The following GDI2 variants were observed in gnomAD, a reference collection of about 807,000 sequenced individuals.
GDI2 encodes rab GDP dissociation inhibitor beta.
GDI2 carries 22 observed loss-of-function variants against 54.2 expected under a neutral mutation model. That is an observed-to-expected ratio of 0.41 (90% CI 0.29 to 0.58). GDI2 has a LOEUF of 0.58. Ranked by LOEUF, GDI2 falls within the 20% of genes least tolerant of loss-of-function variation. The probability of loss-of-function intolerance (pLI) is 0.35; values close to 1 mark genes in which losing one functional copy is unlikely to be tolerated. For synonymous variants in GDI2, 177 were observed against 182.1 expected, an observed-to-expected ratio of 0.97 and a Z score of 0.23; for missense variants, 422 against 546.0, an observed-to-expected ratio of 0.77 and a Z score of 2.26.
At chr10:5,811,500 ACCT>A (rs1024963839) in intron 1 of GDI2, among the ~76,000 whole-genome samples, 5 of 152,172 alleles carry the variant, frequency 3.3e-5, no homozygotes, top group African/African-American at 1.2e-4. Context: ...TGCTTAACTG[ACCT>A]CAATTGTGAG....
chr10:5,799,614 T>C (rs1265355487), intron 2 of GDI2, among the ~76,000 whole-genome samples: 2 of 152,230 alleles, frequency 1.3e-5, no homozygotes, highest in Non-Finnish European at 2.9e-5. Flanking sequence ...ACTGTGCCAC[T>C]GCACTCCAGC....
At chr10:5,787,164 A>G (rs1266316384) in intron 4 of GDI2, among the ~76,000 whole-genome samples, 4 of 152,234 alleles carry the variant, frequency 2.6e-5, no homozygotes, top group Non-Finnish European at 5.9e-5. Flanking sequence ...GATAGATTTA[A>G]TATTACATCC....
At chr10:5,797,002 T>C (rs1841160952) in intron 2 of GDI2, 140 bp from the exon 3 acceptor site, 3 of 509,594 alleles carry the variant, frequency 5.9e-6, no homozygotes, top group Non-Finnish European at 1.0e-5. Flanking sequence ...TCATCTTTTA[T>C]CAGATAAAAT....
chr10:5,776,516 A>G lies in GDI2; in HGVS notation c.720-2575T>C. On this transcript the variant is annotated intron_variant, in intron 6 of 10. Transcript: ENST00000380191. The surrounding 1 kb of genome is among the most constrained non-coding windows in gnomAD (Gnocchi z 5.3). ...GAAGCAAAGGCCCGAAAGATAAAAC[A>G]ATTATAGAGAAGCAGATTTGAAGAG... The G allele has an allele frequency of 1.4e-6, 2 of 1,426,336 alleles. No individual in the cohort carries two copies. The highest frequency in any genetic ancestry group is 1.7e-5 in the Admixed American group (1 of 59,210). The allele number at this position is 1,426,336 out of a possible 1,614,324, so 88.4% of individuals were successfully genotyped here. A position where few individuals can be genotyped will look rare whatever the true frequency, so the allele number is the denominator to read the frequency against.
intron 5 of GDI2, 115 bp from the exon 6 acceptor site, chr10:5,785,388 T>A: frequency 3.8e-6 from 3 of 799,656 alleles, no homozygotes; most frequent in Non-Finnish European, 6.1e-6. Context: ...GTTTTTTTGT[T>A]TTTTGAGACA....
chr10:5,783,156 T>C (rs1840799489), intron 6 of GDI2, among the ~76,000 whole-genome samples: 1 of 152,304 alleles, frequency 6.6e-6, no homozygotes, highest in East Asian at 1.9e-4. Flanking sequence ...AAATGTTCTA[T>C]ACCTTCACTC....
At chr10:5,786,149 C>T (rs969103332) in intron 4 of GDI2, 99 bp from the exon 5 acceptor site, 10 of 605,736 alleles carry the variant, frequency 1.7e-5, no homozygotes, top group Middle Eastern at 4.1e-4. Flanking sequence ...TTATCAACTG[C>T]GGAATGCAGG....
At chr10:5,794,232 T>TATATATATATAA (rs1390834892) in intron 4 of GDI2, among the ~76,000 whole-genome samples, 3 of 97,406 alleles carry the variant, frequency 3.1e-5, no homozygotes, top group African/African-American at 8.0e-5. Flanking sequence ...TATATATATA[T>TATATATATATAA]AAAACTCACC....
At chr10:5,789,395 C>A (rs7076354) in intron 4 of GDI2, among the ~76,000 whole-genome samples, 1 of 151,966 alleles carries the variant, frequency 6.6e-6, no homozygotes, top group Non-Finnish European at 1.5e-5. Flanking sequence ...CCACAGTAGC[C>A]GGCCAAATGA....
chr10:5,786,720 T>C (rs1014993905), intron 4 of GDI2, among the ~76,000 whole-genome samples: 1 of 152,184 alleles, frequency 6.6e-6, no homozygotes. Context: ...ACAACTCTGA[T>C]CTACACTCAG....
intron 6 of GDI2, among the ~76,000 whole-genome samples, chr10:5,778,250 G>C (rs941820459): frequency 6.6e-6 from 1 of 152,086 alleles, no homozygotes; most frequent in African/African-American, 2.4e-5. Flanking sequence ...TGCACGTTCT[G>C]CACATGTACC....
At chr10:5,771,866 C>T (rs1232304494) in intron 7 of GDI2, among the ~76,000 whole-genome samples, 7 of 152,230 alleles carry the variant, frequency 4.6e-5, no homozygotes, top group Non-Finnish European at 2.9e-5. Context: ...CCGAGGCAGG[C>T]AGATCACGAG....
At chr10:5,783,285 G>A (rs1218385406) in intron 6 of GDI2, among the ~76,000 whole-genome samples, 1 of 150,018 alleles carries the variant, frequency 6.7e-6, no homozygotes, top group East Asian at 1.9e-4. Flanking sequence ...CTCGCTTCTG[G>A]TGTCCATTTA....
chr10:5,796,789 A>G lies in GDI2; in HGVS notation c.227T>C (p.Leu76Ser). ...ATTAGCCATAAGGAACTTGGGAATC[A>G]AGTCAACATTCCAGTCTCTTCCTCT... ...MGRGRDWNVD[L>S]IPKFLMANGQ... The change falls in exon 3 of 11, where the codon TTG (leucine) becomes TCG (serine). Residue 76 changes from leucine to serine, a missense_variant. Physicochemically the swap from Leu to Ser is moderately radical, Grantham distance 145. Coordinates refer to ENST00000380191, the MANE Select transcript of GDI2 (RefSeq NM_001494.4). 6.4e-7 allele frequency: 1 copy of G among 1,562,722 alleles called. No individual in the cohort carries two copies. Among genetic ancestry groups the G allele is most frequent in the Non-Finnish European group, 8.8e-7 (1 of 1,133,978 alleles).
At chr10:5,789,057 A>G (rs1213168105) in intron 4 of GDI2, among the ~76,000 whole-genome samples, 1 of 151,324 alleles carries the variant, frequency 6.6e-6, no homozygotes, top group Non-Finnish European at 1.5e-5. Context: ...ATGAGCCACT[A>G]TGCCCAGCCA....
intron 6 of GDI2, among the ~76,000 whole-genome samples, chr10:5,778,938 C>G (rs1840688405): frequency 6.6e-6 from 1 of 152,190 alleles, no homozygotes; most frequent in South Asian, 2.1e-4. Flanking sequence ...TCTCAACAAA[C>G]TATCAATTCA....
intron 2 of GDI2, among the ~76,000 whole-genome samples, chr10:5,798,235 G>A (rs1841190855): frequency 6.6e-6 from 1 of 152,178 alleles, no homozygotes; most frequent in South Asian, 2.1e-4. Flanking sequence ...AGTCACTTGA[G>A]CTCATGAATC....
At position 5,806,856 on chromosome 10, in the gene GDI2, C is replaced by A. The variant is rs572071688; in HGVS notation, c.46-6151G>T. 9.9e-5 allele frequency among the ~76,000 whole-genome samples: 15 copies of A among 152,268 alleles called. No individual in the cohort carries two copies. The South Asian group carries it at 3.1e-3, about 32-fold the overall frequency. ...AAAGTAGACTGCAGACTTTTGAAAG[C>A]AAAATCTCAGCAAGCAAATTGGAGT... On this transcript the variant is annotated intron_variant, in intron 1 of 10. Transcript: ENST00000380191.
chr10:5,778,155 G>T (rs914744783), intron 6 of GDI2, among the ~76,000 whole-genome samples: 6 of 152,104 alleles, frequency 3.9e-5, no homozygotes, highest in African/African-American at 1.4e-4. Flanking sequence ...GCTAGGGAGG[G>T]ATAGCACTAG....
Sources: allele counts gnomAD v4.1 joint callset (sites outside exome capture counted in the v4.1 genomes callset), GRCh38; gene constraint gnomAD v4.1.1; non-coding constraint Gnocchi (gnomAD v3.1); transcripts MANE v1.5; gene names NCBI Gene and HGNC (gene_info 2026-07-23, HGNC 2026-07-21).